SETBP1: variants seen among roughly 807,000 people sequenced by gnomAD.
The protein encoded by SETBP1 is SET-binding protein.
A neutral mutation model predicts 101.0 loss-of-function variants in SETBP1; 9 were observed. That is an observed-to-expected ratio of 0.09 (90% CI 0.05 to 0.16). The LOEUF (loss-of-function observed/expected upper bound fraction) is 0.16, where lower values mean the gene tolerates loss of function less well. SETBP1 is among the 10% of genes least tolerant of loss of function. SETBP1 has a pLI of 1.00. For synonymous variants in SETBP1, 818 were observed against 788.5 expected (o/e 1.04, Z -0.63); for missense variants, 1,858 against 2,033.8 (o/e 0.91, Z 1.66).
chr18:44,950,021 C>T lies in SETBP1; in HGVS notation c.681C>T (p.Asp227=), dbSNP rs2071300323. The part of the protein sequence containing the change: ...QNHMDWSTNS[D]SGPVTQNCFI... ...ACATGGACTGGTCCACCAACTCTGACAGCGGACCCGTCACTCAGAATTGCT... is the reference window on the plus strand; with the variant it reads ...ACATGGACTGGTCCACCAACTCTGATAGCGGACCCGTCACTCAGAATTGCT... The change falls in exon 4 of 6, where the codon GAC becomes GAT. Residue 227 remains aspartate (D), a synonymous_variant. Coordinates refer to ENST00000649279, the MANE Select transcript of SETBP1 (RefSeq NM_015559.3). The T allele has an allele frequency of 4.3e-6, 7 of 1,614,206 alleles. No individual in the cohort carries two copies. The East Asian group carries it at 1.1e-4, about 26-fold the overall frequency.
intron 4 of SETBP1, chr18:44,986,896 T>TAGTATAGTATAGTATAGTATAGTA (rs1277866464): frequency 7.0e-6 from 1 of 143,710 alleles, no homozygotes; most frequent in African/African-American, 2.6e-5. Context: ...ATAACAATAG[T>TAGTATAGTATAGTATAGTATAGTA]TAGTATAGTA....
intron 2 of SETBP1, among the ~76,000 whole-genome samples, chr18:44,702,110 C>T (rs889756526): frequency 3.4e-4 from 52 of 151,874 alleles, no homozygotes; most frequent in African/African-American, 1.3e-3. Context: ...GTATTCTTTC[C>T]AGAATTAAGC....
At chr18:44,783,658 T>C (rs968230743) in intron 2 of SETBP1, among the ~76,000 whole-genome samples, 1 of 152,190 alleles carries the variant, frequency 6.6e-6, no homozygotes, top group Non-Finnish European at 1.5e-5. Context: ...TTCCACAGAC[T>C]TTTGTGTATA....
chr18:45,048,077 T>C (rs2073647308), intron 5 of SETBP1, among the ~76,000 whole-genome samples: 1 of 152,214 alleles, frequency 6.6e-6, no homozygotes, highest in Admixed American at 6.5e-5. Context: ...ATTGCCTGAC[T>C]GGGAACTCAG....
At chr18:44,790,127 GA>G (rs576121352) in intron 2 of SETBP1, among the ~76,000 whole-genome samples, 1 of 151,958 alleles carries the variant, frequency 6.6e-6, no homozygotes, top group Non-Finnish European at 1.5e-5. Context: ...GTTTTATGTG[GA>G]AAAAAATAGC....
chr18:44,808,360 A>G (rs1006373406), intron 2 of SETBP1, among the ~76,000 whole-genome samples: 1 of 152,154 alleles, frequency 6.6e-6, no homozygotes, highest in Non-Finnish European at 1.5e-5. Context: ...TGTGTGGTTC[A>G]TTTTCAAGTC....
intron 3 of SETBP1, among the ~76,000 whole-genome samples, chr18:44,930,722 G>A (rs547951320): frequency 7.9e-5 from 12 of 152,184 alleles, no homozygotes; most frequent in South Asian, 2.1e-4. Context: ...GTTTATTTGC[G>A]TAGGGCTGTT....
chr18:44,924,266 C>G (rs902622501), intron 3 of SETBP1, among the ~76,000 whole-genome samples: 2 of 152,112 alleles, frequency 1.3e-5, no homozygotes, highest in African/African-American at 4.8e-5. Context: ...TCTGTCCTTC[C>G]CTCTGATAAA....
intron 1 of SETBP1, among the ~76,000 whole-genome samples, chr18:44,695,118 A>G (rs1039079969): frequency 6.6e-6 from 1 of 152,218 alleles, no homozygotes; most frequent in African/African-American, 2.4e-5. Context: ...AGATTGGGGT[A>G]TGCTCTCCCA....
intron 2 of SETBP1, among the ~76,000 whole-genome samples, chr18:44,725,964 G>A (rs2144364577): frequency 6.6e-6 from 1 of 152,288 alleles, no homozygotes; most frequent in Admixed American, 6.5e-5. Context: ...GGAGGCATGA[G>A]AAGCTTCAAA....
At chr18:44,815,387 C>T (rs1029446216) in intron 2 of SETBP1, among the ~76,000 whole-genome samples, 4 of 152,140 alleles carry the variant, frequency 2.6e-5, no homozygotes, top group African/African-American at 9.7e-5. Flanking sequence ...GGAGGCTGTA[C>T]GGGGCAGCCC....
intron 2 of SETBP1, among the ~76,000 whole-genome samples, chr18:44,847,824 G>A (rs1468908833): frequency 6.6e-6 from 1 of 152,106 alleles, no homozygotes; most frequent in Non-Finnish European, 1.5e-5. Context: ...TAGAGGAGAG[G>A]AACACAAGCT....
chr18:44,924,204 C>T (rs2144948884), intron 3 of SETBP1, among the ~76,000 whole-genome samples: 1 of 152,224 alleles, frequency 6.6e-6, no homozygotes, highest in South Asian at 2.1e-4. Context: ...TAAATGATGC[C>T]AGGTTGGGGG....
intron 2 of SETBP1, among the ~76,000 whole-genome samples, chr18:44,853,939 A>G (rs2144599497): frequency 6.6e-6 from 1 of 152,312 alleles, no homozygotes; most frequent in South Asian, 2.1e-4. Context: ...TTCCTCAGGA[A>G]AGCCTTCCTT....
At chr18:44,911,663 C>T (rs1406258055) in intron 3 of SETBP1, among the ~76,000 whole-genome samples, 4 of 152,222 alleles carry the variant, frequency 2.6e-5, no homozygotes, top group African/African-American at 4.8e-5. Context: ...AATTGTACTA[C>T]AGGTCTAGCC....
chr18:44,766,943 T>C (rs536269935), intron 2 of SETBP1, among the ~76,000 whole-genome samples: 129 of 152,302 alleles, frequency 8.5e-4, no homozygotes, highest in African/African-American at 3.0e-3. Flanking sequence ...CTCAGAGTGC[T>C]GGGGAATAAA....
intron 3 of SETBP1, among the ~76,000 whole-genome samples, chr18:44,916,005 C>A (rs1028529774): frequency 6.6e-6 from 1 of 152,118 alleles, no homozygotes; most frequent in Non-Finnish European, 1.5e-5. Flanking sequence ...TCAGGCAGAT[C>A]ATTTGAGGTA....
At position 45,065,792 on chromosome 18, in the gene SETBP1, G is replaced by A. The variant is rs1204572001; in HGVS notation, c.*2094G>A. The stretch of plus-strand genomic sequence containing the variant: ...CAGTTTGTGACCTTGGTTGACCTTT[G>A]GCATTTCACGCAAGTTGAACAGCAA... On this transcript the variant is annotated 3_prime_UTR_variant, in exon 6 of 6. Transcript: ENST00000649279. The A allele has an allele frequency of 6.6e-6, 1 of 152,076 alleles. No individual in the cohort carries two copies. The highest frequency in any genetic ancestry group is 1.5e-5 in the Non-Finnish European group (1 of 68,026). The allele number at this position is 152,076 out of a possible 1,614,324, so 9.4% of individuals were successfully genotyped here. A position where few individuals can be genotyped will look rare whatever the true frequency, so the allele number is the denominator to read the frequency against.
chr18:44,999,708 C>T (rs1420929590), intron 4 of SETBP1, among the ~76,000 whole-genome samples: 1 of 152,186 alleles, frequency 6.6e-6, no homozygotes, highest in Non-Finnish European at 1.5e-5. Flanking sequence ...TCAGCTAAAC[C>T]TGGTGAATCC....
Sources: gnomAD v4.1 joint callset for allele counts (sites outside exome capture counted in the v4.1 genomes callset) on GRCh38, gnomAD v4.1.1 for gene constraint, MANE v1.5 for transcripts, NCBI Gene and HGNC (gene_info 2026-07-23, HGNC 2026-07-21) for gene names.